The following ATP2B1 variants were observed in gnomAD, a reference collection of about 807,000 sequenced individuals.
ATP2B1 encodes the protein plasma membrane calcium-transporting ATPase 1.
Under a neutral mutation model 124.2 loss-of-function variants are expected in ATP2B1, and 14 were observed. The observed-to-expected ratio is 0.11, with a 90% confidence interval of 0.07 to 0.18. The LOEUF is 0.18. Ranked by LOEUF, ATP2B1 falls within the 10% of genes least tolerant of loss-of-function variation. ATP2B1 has a pLI of 1.00. For synonymous variants in ATP2B1, 449 were observed against 492.4 expected (o/e 0.91, Z 1.17); for missense variants, 763 against 1,466.1 (o/e 0.52, Z 7.83).
At chr12:89,622,980 A>T (rs1389202314) in intron 9 of ATP2B1, among the ~76,000 whole-genome samples, 1 of 152,178 alleles carries the variant, frequency 6.6e-6, no homozygotes, top group Non-Finnish European at 1.5e-5. Flanking sequence ...ATGTGTCCAA[A>T]ACTTGTATTT....
chr12:89,630,059 A>C (rs538358275), intron 6 of ATP2B1, among the ~76,000 whole-genome samples: 5 of 152,374 alleles, frequency 3.3e-5, no homozygotes, highest in African/African-American at 1.2e-4. Context: ...AGAGAAATGT[A>C]AGGTGTCAAA....
chr12:89,594,227 C>G (rs1363227753), intron 20 of ATP2B1: 4 of 151,998 alleles, frequency 2.6e-5, no homozygotes, highest in Non-Finnish European at 4.4e-5. Context: ...TAAGAAAGCA[C>G]TCTTGATCTA....
intron 1 of ATP2B1, among the ~76,000 whole-genome samples, chr12:89,659,222 T>G (rs937715338): frequency 2.0e-5 from 3 of 152,144 alleles, no homozygotes; most frequent in Admixed American, 2.0e-4. Flanking sequence ...AGAAAAAATG[T>G]TAAGTGCAAG....
At chr12:89,656,191 G>C (rs897894339) in intron 1 of ATP2B1, 84 bp from the exon 2 acceptor site, 8 of 398,644 alleles carry the variant, frequency 2.0e-5, no homozygotes, top group Non-Finnish European at 3.5e-5. Context: ...ATGTCACCAG[G>C]TAGCTAAAGT....
chr12:89,603,408 T>G lies in ATP2B1; in HGVS notation c.2849-154A>C. ...CCTGGGATTATCTAGTACAACTCTCTTGTTTTATAGGCAAGGAAACAGAAG... is the reference window on the plus strand; with the variant it reads ...CCTGGGATTATCTAGTACAACTCTCGTGTTTTATAGGCAAGGAAACAGAAG... On this transcript the variant is annotated intron_variant, in intron 17 of 20. Transcript: ENST00000428670. This position sits in a 1 kb window ranked among gnomAD's most constrained non-coding sequence, Gnocchi z 4.3. 1.4e-6 allele frequency: 1 copy of G among 695,354 alleles called. No individual in the cohort carries two copies. The highest frequency in any genetic ancestry group is 2.3e-6 in the Non-Finnish European group (1 of 428,538). The allele number at this position is 695,354 out of a possible 1,614,324, so 43.1% of individuals were successfully genotyped here. A position where few individuals can be genotyped will look rare whatever the true frequency, so the allele number is the denominator to read the frequency against.
intron 1 of ATP2B1, among the ~76,000 whole-genome samples, chr12:89,681,340 G>A (rs1426659768): frequency 2.0e-5 from 3 of 150,242 alleles, no homozygotes; most frequent in African/African-American, 7.3e-5. Context: ...CCATAACAGA[G>A]ACAGATGAAA....
At chr12:89,677,135 A>G (rs529543092) in intron 1 of ATP2B1, among the ~76,000 whole-genome samples, 1 of 152,296 alleles carries the variant, frequency 6.6e-6, no homozygotes, top group East Asian at 1.9e-4. Flanking sequence ...GCAGGGATAC[A>G]CAAGGATCAG....
rs564543709 is a variant in ATP2B1 at position 89,674,578 on chromosome 12, G to A, written c.-221-18471C>T. ...CTATGCTGCCAGTTTTACATAAAGT[G>A]GATGATTATTAATGATGATGGTAAC... On this transcript the variant is annotated intron_variant, in intron 1 of 20. Coordinates refer to ENST00000428670, the MANE Select transcript of ATP2B1 (RefSeq NM_001366521.1). Among the ~76,000 whole-genome samples, 19 of 152,254 alleles carry A rather than the reference G, an allele frequency of 1.2e-4. No individual in the cohort carries two copies. In the South Asian group the frequency reaches 3.9e-3, roughly 32 times the overall value.
At chr12:89,643,711 G>GGGATATTAACTA (rs1884006925) in intron 2 of ATP2B1, among the ~76,000 whole-genome samples, 1 of 152,204 alleles carries the variant, frequency 6.6e-6, no homozygotes, top group Non-Finnish European at 1.5e-5. Flanking sequence ...ATTAGTTAAT[G>GGGATATTAACTA]CAAAGTGTGT....
intron 2 of ATP2B1, among the ~76,000 whole-genome samples, chr12:89,644,388 A>G (rs1884118715): frequency 6.6e-6 from 1 of 152,190 alleles, no homozygotes; most frequent in Admixed American, 6.5e-5. Flanking sequence ...AGAATAAATA[A>G]TGAGAAATGA....
chr12:89,618,981 A>AT lies in ATP2B1; in HGVS notation c.1829+1017dup, dbSNP rs948429221. On this transcript the variant is annotated intron_variant, in intron 11 of 20. Transcript: ENST00000428670. ...TTTTCCCAACTTGCTCTTAACCAGT[A>AT]TTTTTTTTTAACCAGTTCTCTACTT... 1.3e-4 allele frequency among the ~76,000 whole-genome samples: 20 copies of AT among 151,512 alleles called. No homozygotes were observed. The East Asian group carries it at 1.9e-3, about 15-fold the overall frequency.
At chr12:89,700,482 T>C (rs763796801) in intron 1 of ATP2B1, among the ~76,000 whole-genome samples, 2 of 152,118 alleles carry the variant, frequency 1.3e-5, no homozygotes, top group East Asian at 1.9e-4. Flanking sequence ...CTTTTGAGCA[T>C]GAATAGAGAA....
chr12:89,703,111 C>A (rs1324376347), intron 1 of ATP2B1, among the ~76,000 whole-genome samples: 3 of 152,102 alleles, frequency 2.0e-5, no homozygotes, highest in Non-Finnish European at 4.4e-5. Context: ...TTGAGATGAA[C>A]CTGCTTTGAA....
At chr12:89,612,262 G>A (rs146252615) in intron 12 of ATP2B1, 6 of 152,124 alleles carry the variant, frequency 3.9e-5, no homozygotes, top group Non-Finnish European at 8.8e-5. Context: ...AAAGTTCTCA[G>A]TATAACACAA....
rs1877941600 is a variant in ATP2B1, at chr12:89,611,176, T to C, written c.2247+17A>G. On this transcript the variant is annotated intron_variant, in intron 13 of 20. Coordinates refer to ENST00000428670, the MANE Select transcript of ATP2B1 (RefSeq NM_001366521.1). ...AAACATCTGTCAACCAAAAACAAAA[T>C]AATAATAAATCTTTACCTCTCCTTT... 1 of 1,565,196 alleles carries C rather than the reference T, an allele frequency of 6.4e-7. No individual in the cohort carries two copies. Among genetic ancestry groups the C allele is most frequent in the Admixed American group, 2.0e-5 (1 of 48,804 alleles).
intron 1 of ATP2B1, among the ~76,000 whole-genome samples, chr12:89,671,158 G>C (rs927123045): frequency 6.6e-6 from 1 of 152,014 alleles, no homozygotes; most frequent in African/African-American, 2.4e-5. Context: ...GGATTGAGCA[G>C]AACATTCAAA....
At position 89,626,469 on chromosome 12, in the gene ATP2B1, G is replaced by T; in HGVS notation, c.1114C>A (p.Gln372Lys). The T allele has an allele frequency of 6.2e-7, 1 of 1,610,558 alleles. No homozygotes were observed. Among genetic ancestry groups the T allele is most frequent in the South Asian group, 1.1e-5 (1 of 90,380 alleles). The change falls in exon 8 of 21, where the codon CAG becomes AAG. Residue 372 changes from glutamine (Q) to lysine (K), a missense_variant. Coordinates refer to ENST00000428670, the MANE Select transcript of ATP2B1 (RefSeq NM_001366521.1). ...TATATCATACCTGCTTTGCCAATCTGAACAGCCAGTTTTGTAAGTTTCCCT... is the reference window on the plus strand; with the variant it reads ...TATATCATACCTGCTTTGCCAATCTTAACAGCCAGTTTTGTAAGTTTCCCT... ...LQGKLTKLAV[Q>K]IGKAGLLMSA...
intron 1 of ATP2B1, among the ~76,000 whole-genome samples, chr12:89,701,193 T>C (rs1891809162): frequency 6.6e-6 from 1 of 152,352 alleles, no homozygotes; most frequent in East Asian, 1.9e-4. Context: ...TCTCAGTTCA[T>C]GGAACGGCAG....
chr12:89,698,205 T>G (rs1284975413), intron 1 of ATP2B1, among the ~76,000 whole-genome samples: 1 of 152,112 alleles, frequency 6.6e-6, no homozygotes, highest in African/African-American at 2.4e-5. Context: ...ATAAAGAAAT[T>G]ACAACTCGAT....
Sources: gnomAD v4.1 joint callset for allele counts (sites outside exome capture counted in the v4.1 genomes callset) on GRCh38, gnomAD v4.1.1 for gene constraint, Gnocchi (gnomAD v3.1) non-coding constraint, MANE v1.5 for transcripts, NCBI Gene and HGNC (gene_info 2026-07-23, HGNC 2026-07-21) for gene names.